The following EPB41L5 variants were observed in gnomAD, a reference collection of about 807,000 sequenced individuals.
EPB41L5 encodes band 4.1-like protein 5.
In EPB41L5, 55 loss-of-function variants were observed where a neutral mutation model predicts 106.6. The ratio of observed to expected loss-of-function variants is 0.52; its 90% CI spans 0.42 to 0.65. The LOEUF (loss-of-function observed/expected upper bound fraction) is 0.65, where lower values mean the gene tolerates loss of function less well. Among genes scored for constraint, EPB41L5 ranks in the 30% least tolerant of loss-of-function variants. The pLI is 0.00. For synonymous variants in EPB41L5, 297 were observed against 306.7 expected (o/e 0.97, Z 0.33); for missense variants, 871 against 882.1 (o/e 0.99, Z 0.16).
In EPB41L5 at chr2:120,074,007, C is replaced by T. The variant is rs1682058521; in HGVS notation, c.329-93C>T. 4 of 903,842 alleles carry T rather than the reference C, an allele frequency of 4.4e-6. No homozygotes were observed. In the Admixed American group the frequency reaches 8.0e-5, roughly 18 times the overall value. The allele number at this position is 903,842 out of a possible 1,614,324, so 56.0% of individuals were successfully genotyped here. On this transcript the variant is annotated intron_variant, in intron 4 of 24. Transcript: ENST00000263713. ...ATGCCATAAAAACCTCATCTTTTGT[C>T]TCACTTCAGTAGATTTTTGACCAGT...
At chr2:120,154,067 T>A (rs1450428565) in intron 20 of EPB41L5, among the ~76,000 whole-genome samples, 1 of 152,132 alleles carries the variant, frequency 6.6e-6, no homozygotes, top group African/African-American at 2.4e-5. Flanking sequence ...GTTCCTCAGT[T>A]TCTCCATTAC....
At chr2:120,031,510 C>A (rs931992762) in intron 2 of EPB41L5, among the ~76,000 whole-genome samples, 1 of 152,090 alleles carries the variant, frequency 6.6e-6, no homozygotes, top group Non-Finnish European at 1.5e-5. Flanking sequence ...TGTAGTGGGC[C>A]AGAGCTTTGT....
In EPB41L5 at chr2:120,142,969, A is replaced by C. The variant is rs772753825; in HGVS notation, c.1600-34A>C. 2.5e-6 allele frequency: 4 copies of C among 1,572,386 alleles called. No individual in the cohort carries two copies. The Admixed American group carries it at 6.8e-5, about 27-fold the overall frequency. ...TATTTCCATATAACTATAGTGCATCAGAGTTGATTATAGTATATTTTTAAA... is the reference window on the plus strand; with the variant it reads ...TATTTCCATATAACTATAGTGCATCCGAGTTGATTATAGTATATTTTTAAA... On this transcript the variant is annotated intron_variant, in intron 18 of 24. Coordinates refer to ENST00000263713, the MANE Select transcript of EPB41L5 (RefSeq NM_020909.4).
intron 10 of EPB41L5, among the ~76,000 whole-genome samples, chr2:120,083,825 T>C (rs1471881856): frequency 2.0e-5 from 3 of 152,226 alleles, no homozygotes; most frequent in Non-Finnish European, 2.9e-5. Flanking sequence ...TAGCTCTTCT[T>C]GTTGAATTGA....
intron 3 of EPB41L5, among the ~76,000 whole-genome samples, chr2:120,056,025 T>G (rs1680625289): frequency 6.6e-6 from 1 of 152,092 alleles, no homozygotes; most frequent in Non-Finnish European, 1.5e-5. Context: ...CTGATCTTAG[T>G]GGGGAAAATG....
intron 2 of EPB41L5, among the ~76,000 whole-genome samples, chr2:120,030,211 T>G (rs1028458495): frequency 6.6e-6 from 1 of 152,188 alleles, no homozygotes; most frequent in African/African-American, 2.4e-5. Flanking sequence ...CCTTCTTGCC[T>G]GGGGCCCAGC....
intron 3 of EPB41L5, among the ~76,000 whole-genome samples, chr2:120,061,246 G>C (rs552882770): frequency 7.0e-6 from 1 of 142,658 alleles, no homozygotes; most frequent in Non-Finnish European, 1.5e-5. Flanking sequence ...TTTTTGAGAC[G>C]GAGTCTCGCT....
chr2:120,069,561 T>C (rs1574585434), intron 3 of EPB41L5, among the ~76,000 whole-genome samples: 2 of 152,114 alleles, frequency 1.3e-5, no homozygotes, highest in African/African-American at 4.8e-5. Flanking sequence ...GACCACATAA[T>C]TGGAAGTAAA....
chr2:120,050,487 G>A (rs1290566591), intron 3 of EPB41L5, among the ~76,000 whole-genome samples: 5 of 152,062 alleles, frequency 3.3e-5, no homozygotes, highest in South Asian at 4.1e-4. Flanking sequence ...CGTCATTCTC[G>A]TGCCATGGTT....
intron 16 of EPB41L5, among the ~76,000 whole-genome samples, chr2:120,125,478 A>G (rs1416637838): frequency 6.6e-6 from 1 of 152,132 alleles, no homozygotes; most frequent in South Asian, 2.1e-4. Flanking sequence ...GAATTTTCCT[A>G]AGAACACTCC....
At chr2:120,140,412 A>G (rs1434299481) in intron 18 of EPB41L5, among the ~76,000 whole-genome samples, 5 of 152,064 alleles carry the variant, frequency 3.3e-5, no homozygotes, top group Non-Finnish European at 1.5e-5. Flanking sequence ...CGTGTACCCC[A>G]TAAATGTATA....
At chr2:120,040,733 G>A (rs186325225) in intron 2 of EPB41L5, among the ~76,000 whole-genome samples, 5 of 152,260 alleles carry the variant, frequency 3.3e-5, no homozygotes, top group Middle Eastern at 3.4e-3. Flanking sequence ...AACTTGATGG[G>A]AATTGGGTGG....
At chr2:120,061,228 A>AT (rs558199115) in intron 3 of EPB41L5, among the ~76,000 whole-genome samples, 21,574 of 111,682 alleles carry the variant, frequency 0.19, 2,424 homozygotes, top group South Asian at 0.35. Flanking sequence ...TTTTTTTTTT[A>AT]TTTTTTTTTT....
chr2:120,051,653 C>T (rs976412840), intron 3 of EPB41L5, among the ~76,000 whole-genome samples: 8 of 152,206 alleles, frequency 5.3e-5, no homozygotes, highest in African/African-American at 1.7e-4. Context: ...CCGGGTGAGG[C>T]GATGCCTCGC....
At chr2:120,017,739 A>G (rs1677618268) in intron 1 of EPB41L5, among the ~76,000 whole-genome samples, 2 of 152,214 alleles carry the variant, frequency 1.3e-5, no homozygotes, top group African/African-American at 4.8e-5. Context: ...TCTGTATTTT[A>G]GCTGAAATAG....
At chr2:120,133,747 G>A (rs1392772681) in intron 18 of EPB41L5, among the ~76,000 whole-genome samples, 1 of 152,142 alleles carries the variant, frequency 6.6e-6, no homozygotes, top group Admixed American at 6.5e-5. Context: ...TGGACCTGGG[G>A]TACACATGAC....
At chr2:120,110,263 CCTTCTAACACGCCATTGT>C (rs1447546118) in intron 16 of EPB41L5, among the ~76,000 whole-genome samples, 1 of 152,176 alleles carries the variant, frequency 6.6e-6, no homozygotes, top group South Asian at 2.1e-4. Context: ...TTCTAACCTC[CCTTCTAACACGCCATTGT>C]CTTCTAACAA....
chr2:120,108,136 G>A (rs763755157), intron 16 of EPB41L5: 4 of 152,026 alleles, frequency 2.6e-5, no homozygotes, highest in Non-Finnish European at 4.4e-5. Context: ...CTAAGCTTCT[G>A]TGTTACAAGC....
chr2:120,021,577 G>T (rs757707424), intron 2 of EPB41L5, among the ~76,000 whole-genome samples: 15 of 151,436 alleles, frequency 9.9e-5, no homozygotes, highest in Admixed American at 8.6e-4. Context: ...GGAGGCAGAG[G>T]TTGCAGCGAG....
Sources: gnomAD v4.1 joint callset for allele counts (sites outside exome capture counted in the v4.1 genomes callset) on GRCh38, gnomAD v4.1.1 for gene constraint, MANE v1.5 for transcripts, NCBI Gene and HGNC (gene_info 2026-07-23, HGNC 2026-07-21) for gene names.